Variants in SSPN observed in about 807,000 individuals in gnomAD.
SSPN encodes the protein sarcospan.
Under a neutral mutation model 19.1 loss-of-function variants are expected in SSPN, and 15 were observed. The ratio of observed to expected loss-of-function variants is 0.78; its 90% CI spans 0.52 to 1.21. The LOEUF is 1.21. Among genes scored for constraint, SSPN ranks in the 50% most tolerant of loss-of-function variants. SSPN has a pLI of 0.00. For missense variants in SSPN, 291 were observed against 314.0 expected (o/e 0.93, Z 0.55); for synonymous variants, 147 against 140.3 (o/e 1.05, Z -0.34).
At chr12:26,155,378 T>C (rs1944549989) in intron 1 of SSPN, among the ~76,000 whole-genome samples, 1 of 152,020 alleles carries the variant, frequency 6.6e-6, no homozygotes, top group South Asian at 2.1e-4. Context: ...TATCTGAAAA[T>C]GGAAGGGGAT....
At chr12:26,215,395 A>T (rs1945036731) in intron 1 of SSPN, among the ~76,000 whole-genome samples, 1 of 152,150 alleles carries the variant, frequency 6.6e-6, no homozygotes, top group Non-Finnish European at 1.5e-5. Flanking sequence ...AACCAATCTC[A>T]CTTGTTAATG....
chr12:26,135,794 A>C (rs1371761960), intron 1 of SSPN, among the ~76,000 whole-genome samples: 1 of 152,212 alleles, frequency 6.6e-6, no homozygotes, highest in African/African-American at 2.4e-5. Flanking sequence ...CTGAGTTCAC[A>C]CCTGCTCAAC....
chr12:26,221,271 A>G (rs1414002485), intron 1 of SSPN, among the ~76,000 whole-genome samples: 2 of 152,136 alleles, frequency 1.3e-5, no homozygotes, highest in Non-Finnish European at 2.9e-5. Context: ...CTCAAAACTC[A>G]TCTTTCTCCA....
At chr12:26,188,000 G>C (rs989647715) in intron 1 of SSPN, among the ~76,000 whole-genome samples, 1 of 152,208 alleles carries the variant, frequency 6.6e-6, no homozygotes, top group Non-Finnish European at 1.5e-5. Context: ...ACAGGGCTAG[G>C]ATACTGGCTA....
intron 1 of SSPN, among the ~76,000 whole-genome samples, chr12:26,169,741 G>A (rs1301529024): frequency 6.6e-6 from 1 of 152,158 alleles, no homozygotes; most frequent in Non-Finnish European, 1.5e-5. Flanking sequence ...AGAAGACAAG[G>A]AGTTTGAGGA....
At chr12:26,197,375 A>G (rs35722594) in intron 1 of SSPN, among the ~76,000 whole-genome samples, 22,893 of 152,208 alleles carry the variant, frequency 0.15, 2,003 homozygotes, top group East Asian at 0.36. Flanking sequence ...AAATCAAGTG[A>G]TTTTAAAAAT....
At chr12:26,196,278 C>T (rs116939701) in intron 1 of SSPN, among the ~76,000 whole-genome samples, 2,297 of 152,346 alleles carry the variant, frequency 0.015, 33 homozygotes, top group Middle Eastern at 0.031. Flanking sequence ...CGGATTCATT[C>T]GGGCTTTTTC....
intron 1 of SSPN, among the ~76,000 whole-genome samples, chr12:26,128,510 A>C (rs978180242): frequency 2.0e-5 from 3 of 152,266 alleles, no homozygotes; most frequent in African/African-American, 7.2e-5. Context: ...TCTGCTGAGC[A>C]AACTGAGCCA....
chr12:26,154,148 T>C (rs1944542788), intron 1 of SSPN, among the ~76,000 whole-genome samples: 1 of 152,204 alleles, frequency 6.6e-6, no homozygotes, highest in African/African-American at 2.4e-5. Context: ...CTCAAAAAGG[T>C]ACTATGAAAA....
chr12:26,172,222 G>A (rs1254185678), intron 1 of SSPN, among the ~76,000 whole-genome samples: 4 of 152,164 alleles, frequency 2.6e-5, no homozygotes, highest in Non-Finnish European at 5.9e-5. Context: ...TCAGCGTAAA[G>A]TATACATTCA....
intron 1 of SSPN, among the ~76,000 whole-genome samples, chr12:26,168,005 G>A (rs1462088221): frequency 6.6e-6 from 1 of 152,084 alleles, no homozygotes; most frequent in African/African-American, 2.4e-5. Context: ...CTTGAGTCTG[G>A]TAGTTTGAGA....
intron 1 of SSPN, among the ~76,000 whole-genome samples, chr12:26,141,916 A>G (rs1944462564): frequency 6.6e-6 from 1 of 152,216 alleles, no homozygotes; most frequent in Non-Finnish European, 1.5e-5. Flanking sequence ...AAAGGGACTC[A>G]TATGGGGAGT....
chr12:26,177,327 A>C (rs1418440352), intron 1 of SSPN, among the ~76,000 whole-genome samples: 1 of 152,184 alleles, frequency 6.6e-6, no homozygotes, highest in Non-Finnish European at 1.5e-5. Context: ...ACCCTCGGAC[A>C]TGGTGCTGGT....
chr12:26,171,591 A>G lies in SSPN; in HGVS notation c.-31+49439A>G, dbSNP rs1679908595. On this transcript the variant is annotated intron_variant, in intron 1 of 2. Coordinates refer to the SSPN transcript ENST00000538142. Reference sequence around the variant, plus strand: ...TATCTTCTAATCATTCTAGAGATTTACAAATATTTAGAATAATGCCCCTGT... The same window carrying G: ...TATCTTCTAATCATTCTAGAGATTTGCAAATATTTAGAATAATGCCCCTGT... Among the ~76,000 whole-genome samples the G allele has an allele frequency of 2.0e-5, 3 of 150,328 alleles. No homozygotes were observed. In the South Asian group the frequency reaches 6.4e-4, roughly 32 times the overall value.
At chr12:26,122,821 C>T in intron 1 of SSPN, 1 of 1,584,590 alleles carries the variant, frequency 6.3e-7, no homozygotes, top group Non-Finnish European at 8.5e-7. Flanking sequence ...TCGTTCTCGG[C>T]GGCGAGCTCG....
At chr12:26,123,148 G>C in intron 1 of SSPN, 9 of 1,598,900 alleles carry the variant, frequency 5.6e-6, no homozygotes, top group Non-Finnish European at 7.7e-6. Context: ...GACTGAATGG[G>C]CGATTTCAGA....
chr12:26,224,602 A>T (rs1346414745), intron 2 of SSPN, among the ~76,000 whole-genome samples: 1 of 151,984 alleles, frequency 6.6e-6, no homozygotes, highest in Non-Finnish European at 1.5e-5. Context: ...CCTGGAGGAT[A>T]TGAAGTCTGT....
At chr12:26,122,505 A>C in intron 1 of SSPN, 1 of 1,307,410 alleles carries the variant, frequency 7.6e-7, no homozygotes, top group Non-Finnish European at 9.8e-7. Context: ...GGGCTGCGGG[A>C]AGGGCGCGCC....
At chr12:26,140,408 C>A (rs1019462454) in intron 1 of SSPN, among the ~76,000 whole-genome samples, 5 of 152,206 alleles carry the variant, frequency 3.3e-5, no homozygotes, top group African/African-American at 1.2e-4. Flanking sequence ...CTTCTCAAAT[C>A]TGGACAGTCC....
Sources: allele counts gnomAD v4.1 joint callset (sites outside exome capture counted in the v4.1 genomes callset), GRCh38; gene constraint gnomAD v4.1.1; transcripts MANE v1.5; gene names NCBI Gene and HGNC (gene_info 2026-07-23, HGNC 2026-07-21).